Variants in FHOD3 observed in about 807,000 individuals in gnomAD.
The protein encoded by FHOD3 is FH1/FH2 domain-containing protein 3.
In FHOD3, 90 loss-of-function variants were observed where a neutral mutation model predicts 173.0. The ratio of observed to expected loss-of-function variants is 0.52; its 90% CI spans 0.44 to 0.62. The LOEUF (loss-of-function observed/expected upper bound fraction) is 0.62. Among genes scored for constraint, FHOD3 ranks in the 20% least tolerant of loss-of-function variants. The pLI, the probability that FHOD3 is intolerant of heterozygous loss-of-function variation, is 0.00. For missense variants in FHOD3, 1,945 were observed against 2,034.7 expected, an observed-to-expected ratio of 0.96 and a Z score of 0.85; for synonymous variants, 828 against 823.0, an observed-to-expected ratio of 1.01 and a Z score of -0.10.
intron 3 of FHOD3, among the ~76,000 whole-genome samples, chr18:36,399,883 C>T (rs778648962): frequency 3.9e-5 from 6 of 152,200 alleles, no homozygotes; most frequent in East Asian, 1.9e-4. Context: ...TTTAGAGGCA[C>T]GAGATGGCTG....
chr18:36,444,021 G>A (rs924251567), intron 3 of FHOD3, among the ~76,000 whole-genome samples: 1 of 151,868 alleles, frequency 6.6e-6, no homozygotes, highest in Non-Finnish European at 1.5e-5. Flanking sequence ...GTGAAACCCC[G>A]TCTCTACTAA....
At chr18:36,348,269 G>C (rs1568154393) in intron 1 of FHOD3, among the ~76,000 whole-genome samples, 1 of 152,170 alleles carries the variant, frequency 6.6e-6, no homozygotes. Flanking sequence ...CCATTTGAGG[G>C]GGGAAACAGG....
chr18:36,738,025 C>CAGTG (rs1335262465), intron 20 of FHOD3, among the ~76,000 whole-genome samples: 2 of 152,184 alleles, frequency 1.3e-5, no homozygotes, highest in East Asian at 3.8e-4. Context: ...CACCTGGTAA[C>CAGTG]CACTTATGTA....
chr18:36,387,246 G>T (rs2048078467), intron 3 of FHOD3, among the ~76,000 whole-genome samples: 2 of 152,116 alleles, frequency 1.3e-5, no homozygotes, highest in South Asian at 4.1e-4. Flanking sequence ...GCATCATCAG[G>T]TTGCTAGATT....
intron 9 of FHOD3, among the ~76,000 whole-genome samples, chr18:36,612,405 C>T (rs1347158564): frequency 5.3e-5 from 8 of 152,106 alleles, no homozygotes; most frequent in Admixed American, 3.3e-4. Flanking sequence ...CTCAAGGAGA[C>T]GGGGAGAGAA....
At chr18:36,517,282 G>T (rs1452427529) in intron 5 of FHOD3, among the ~76,000 whole-genome samples, 3 of 152,102 alleles carry the variant, frequency 2.0e-5, no homozygotes, top group Non-Finnish European at 2.9e-5. Context: ...ACCTAGAGTG[G>T]TATATTGCTG....
intron 3 of FHOD3, among the ~76,000 whole-genome samples, chr18:36,382,514 G>C (rs2047841065): frequency 6.6e-6 from 1 of 152,312 alleles, no homozygotes; most frequent in African/African-American, 2.4e-5. Flanking sequence ...CTCATGCTCA[G>C]TATAGCATTT....
intron 3 of FHOD3, among the ~76,000 whole-genome samples, chr18:36,464,948 C>T (rs192833837): frequency 1.1e-4 from 17 of 152,262 alleles, no homozygotes; most frequent in South Asian, 1.0e-3. Flanking sequence ...CACACACACA[C>T]GCAGGCAAAC....
chr18:36,348,955 G>A (rs1277035281), intron 1 of FHOD3, among the ~76,000 whole-genome samples: 8 of 152,142 alleles, frequency 5.3e-5, no homozygotes, highest in African/African-American at 1.9e-4. Flanking sequence ...TTTCCCTGTC[G>A]GCTGTGGGTT....
intron 1 of FHOD3, among the ~76,000 whole-genome samples, chr18:36,303,360 TG>T (rs2092005334): frequency 6.6e-6 from 1 of 151,694 alleles, no homozygotes; most frequent in Admixed American, 6.6e-5. Context: ...CAGATGGGGG[TG>T]GGGTAGGGTT....
intron 19 of FHOD3, among the ~76,000 whole-genome samples, chr18:36,728,144 G>A (rs966743858): frequency 6.6e-6 from 1 of 152,176 alleles, no homozygotes; most frequent in African/African-American, 2.4e-5. Flanking sequence ...AGGGTCCAGG[G>A]AGGGAATTGA....
intron 7 of FHOD3, among the ~76,000 whole-genome samples, chr18:36,600,288 C>CACACACACAT (rs2031178311): frequency 1.3e-5 from 2 of 148,844 alleles, no homozygotes; most frequent in South Asian, 2.1e-4. Flanking sequence ...CACACACACA[C>CACACACACAT]ATATGCACAC....
chr18:36,305,651 A>C (rs2092072920), intron 1 of FHOD3, among the ~76,000 whole-genome samples: 1 of 152,166 alleles, frequency 6.6e-6, no homozygotes, highest in Admixed American at 6.5e-5. Flanking sequence ...AGAGCCAAAG[A>C]GTGGCTTGGG....
Position 36,701,031 on chromosome 18 carries a change from A to C in FHOD3, c.2236+7608A>C, listed in dbSNP as rs72899512. On this transcript the variant is annotated intron_variant, in intron 17 of 28. Transcript: ENST00000590592. The stretch of plus-strand genomic sequence containing the variant: ...ATGTGATAAGTTGCTCCTCCCAAGC[A>C]TCTACGTGTGCCTCGGGCAGGGCAC... Among the ~76,000 whole-genome samples the C allele has an allele frequency of 6.3e-3, 956 of 152,356 alleles. 7 individuals are homozygous for C. Among genetic ancestry groups the C allele is most frequent in the Non-Finnish European group, 1.0e-2 (678 of 68,032 alleles).
chr18:36,747,452 T>C (rs1277221461), intron 24 of FHOD3, among the ~76,000 whole-genome samples: 1 of 152,218 alleles, frequency 6.6e-6, no homozygotes, highest in Admixed American at 6.5e-5. Context: ...TGGAAGAATT[T>C]CACCTATAGA....
intron 6 of FHOD3, among the ~76,000 whole-genome samples, chr18:36,582,902 C>T (rs942165367): frequency 6.6e-6 from 1 of 152,176 alleles, no homozygotes; most frequent in Non-Finnish European, 1.5e-5. Flanking sequence ...TTCCATTCTG[C>T]GTGTCTGCGA....
chr18:36,422,061 G>T (rs111905641), intron 3 of FHOD3, among the ~76,000 whole-genome samples: 2,284 of 152,282 alleles, frequency 0.015, 58 homozygotes, highest in African/African-American at 0.052. Context: ...ACTTTGAGAA[G>T]TACACAGTGA....
At chr18:36,340,800 C>G (rs936100823) in intron 1 of FHOD3, among the ~76,000 whole-genome samples, 2 of 152,010 alleles carry the variant, frequency 1.3e-5, no homozygotes, top group Admixed American at 1.3e-4. Flanking sequence ...CCACGCCCGG[C>G]TAATTTTTTT....
At chr18:36,705,555 G>T (rs1393638424) in intron 17 of FHOD3, among the ~76,000 whole-genome samples, 1 of 152,164 alleles carries the variant, frequency 6.6e-6, no homozygotes, top group Non-Finnish European at 1.5e-5. Context: ...GTGCCCACTG[G>T]TGGCAGAGCT....
Sources: gnomAD v4.1 joint callset for allele counts (sites outside exome capture counted in the v4.1 genomes callset) on GRCh38, gnomAD v4.1.1 for gene constraint, MANE v1.5 for transcripts, NCBI Gene and HGNC (gene_info 2026-07-23, HGNC 2026-07-21) for gene names.